The following GDE1 variants were observed in gnomAD, a reference collection of about 807,000 sequenced individuals.
GDE1 encodes the protein glycerophosphodiester phosphodiesterase 1.
Under a neutral mutation model 32.2 loss-of-function variants are expected in GDE1, and 24 were observed. The ratio of observed to expected loss-of-function variants is 0.75; its 90% CI spans 0.54 to 1.05. The LOEUF (loss-of-function observed/expected upper bound fraction) is 1.05, where lower values mean the gene tolerates loss of function less well. GDE1 is among the 50% of genes least tolerant of loss of function. The pLI, the probability that GDE1 is intolerant of heterozygous loss-of-function variation, is 0.00. For synonymous variants in GDE1, 159 were observed against 158.6 expected (o/e 1.00, Z -0.02); for missense variants, 380 against 415.0 (o/e 0.92, Z 0.73).
chr16:19,502,511 C>G lies in GDE1; in HGVS notation c.*959G>C, dbSNP rs946118632. 1.3e-5 allele frequency: 2 copies of G among 151,186 alleles called. No homozygotes were observed. Among genetic ancestry groups the G allele is most frequent in the African/African-American group, 4.9e-5 (2 of 41,086 alleles). 9.4% of individuals were successfully genotyped at this position (151,186 alleles called of 1,614,324 possible). On this transcript the variant is annotated 3_prime_UTR_variant, in exon 6 of 6. Coordinates refer to ENST00000353258, the MANE Select transcript of GDE1 (RefSeq NM_016641.4). ...CAAGTGATCCTCCCACCTCAACCTC[C>G]TGAGTAGCTGGGAATACAGGCATGC...
In GDE1 at chr16:19,502,907, T is replaced by A. The variant is rs1277683121; in HGVS notation, c.*563A>T. 1 of 152,346 alleles carries A rather than the reference T, an allele frequency of 6.6e-6. No homozygotes were observed. The highest frequency in any genetic ancestry group is 1.5e-5 in the Non-Finnish European group (1 of 68,144). The allele number at this position is 152,346 out of a possible 1,614,324, so 9.4% of individuals were successfully genotyped here. On this transcript the variant is annotated 3_prime_UTR_variant, in exon 6 of 6. Coordinates refer to ENST00000353258, the MANE Select transcript of GDE1 (RefSeq NM_016641.4). ...CTTCAAGACCTCCCTACCATTTTGG[T>A]TGCTGTACACTGAAGCCTCACTGGA...
At chr16:19,516,933 C>T (rs1969387357) in intron 2 of GDE1, 81 bp downstream of exon 2, 1 of 1,201,620 alleles carries the variant, frequency 8.3e-7, no homozygotes. Context: ...TCTCCTGGGG[C>T]AGATGTAATT....
In GDE1 at chr16:19,503,166, C is replaced by A; in HGVS notation, c.*304G>T. The A allele has an allele frequency of 2.9e-6, 1 of 340,478 alleles. No homozygotes were observed. Among genetic ancestry groups the A allele is most frequent in the Non-Finnish European group, 5.5e-6 (1 of 183,458 alleles). The allele number at this position is 340,478 out of a possible 1,614,324, so 21.1% of individuals were successfully genotyped here. A position where few individuals can be genotyped will look rare whatever the true frequency, so the allele number is the denominator to read the frequency against. ...TTTACATCTGCATCTGCAAACTGTA[C>A]AATTCAATCTGTGCTTATCCTCACT... On this transcript the variant is annotated 3_prime_UTR_variant, in exon 6 of 6. Coordinates refer to ENST00000353258, the MANE Select transcript of GDE1 (RefSeq NM_016641.4).
intron 2 of GDE1, among the ~76,000 whole-genome samples, chr16:19,513,241 A>G (rs753202530): frequency 6.6e-6 from 1 of 152,156 alleles, no homozygotes; most frequent in Non-Finnish European, 1.5e-5. Context: ...ATCCATGAGC[A>G]TGGGATGTCT....
At position 19,502,939 on chromosome 16, in the gene GDE1, G is replaced by A. The variant is rs1320251705; in HGVS notation, c.*531C>T. ...ACACTGAAGCCTCACTGGATTGCATGGTGGCTTCCCCAAATTCCGTATGCC... is the reference window on the plus strand; with the variant it reads ...ACACTGAAGCCTCACTGGATTGCATAGTGGCTTCCCCAAATTCCGTATGCC... On this transcript the variant is annotated 3_prime_UTR_variant, in exon 6 of 6. Coordinates refer to ENST00000353258, the MANE Select transcript of GDE1 (RefSeq NM_016641.4). The A allele has an allele frequency of 6.6e-6, 1 of 152,506 alleles. No individual in the cohort carries two copies. The highest frequency in any genetic ancestry group is 6.5e-5 in the Admixed American group (1 of 15,342). 9.4% of individuals were successfully genotyped at this position (152,506 alleles called of 1,614,324 possible).
At chr16:19,505,180 A>G (rs1204964781) in intron 4 of GDE1, 88 bp from the exon 5 acceptor site, 6 of 902,450 alleles carry the variant, frequency 6.6e-6, no homozygotes, top group Non-Finnish European at 1.1e-5. Context: ...GCTCAATCAG[A>G]TGAGGTGGTC....
At chr16:19,521,159 C>CA (rs1969448514) in intron 1 of GDE1, 1 of 153,254 alleles carries the variant, frequency 6.5e-6, no homozygotes, top group African/African-American at 2.4e-5. Context: ...GAAGTCAGGC[C>CA]ACACACTGCC....
intron 4 of GDE1, 141 bp from the exon 5 acceptor site, chr16:19,505,233 A>G (rs1381481827): frequency 1.3e-5 from 8 of 633,184 alleles, no homozygotes; most frequent in Admixed American, 5.6e-5. Context: ...TAAGTTCTCA[A>G]TCATAAACCC....
chr16:19,521,527 TA>T, intron 1 of GDE1, 176 bp downstream of exon 1: 1 of 659,008 alleles, frequency 1.5e-6, no homozygotes, highest in African/African-American at 1.8e-5. Context: ...TCTGTAAATA[TA>T]AAACCTCAAG....
chr16:19,521,343 T>C, intron 1 of GDE1: 1 of 222,954 alleles, frequency 4.5e-6, no homozygotes. Flanking sequence ...CCCCGATTTC[T>C]TCATTGCACC....
chr16:19,516,723 C>T (rs1206774303), intron 2 of GDE1, among the ~76,000 whole-genome samples: 9 of 152,146 alleles, frequency 5.9e-5, no homozygotes. Flanking sequence ...TCTTGGTACA[C>T]CTGAAGGCAA....
intron 5 of GDE1, 83 bp from the exon 6 acceptor site, chr16:19,503,700 A>G: frequency 8.8e-7 from 1 of 1,132,728 alleles, no homozygotes; most frequent in Non-Finnish European, 1.3e-6. Context: ...TATGGTGTTC[A>G]CTGCATACCA....
At position 19,504,647 on chromosome 16, in the gene GDE1, T is replaced by A. The variant is rs1315652368; in HGVS notation, c.848+234A>T. The A allele has an allele frequency of 1.3e-5, 6 of 461,860 alleles. No individual in the cohort carries two copies. The East Asian group carries it at 2.3e-4, about 18-fold the overall frequency. The allele number at this position is 461,860 out of a possible 1,614,324, so 28.6% of individuals were successfully genotyped here. ...CTCAGCATAGTGTCACAGGTTCATT[T>A]TTTTTCTTCAAAATACACTAAAAAA... On this transcript the variant is annotated intron_variant, in intron 5 of 5. Transcript: ENST00000353258.
At chr16:19,505,263 G>T in intron 4 of GDE1, 171 bp from the exon 5 acceptor site, 3 of 590,778 alleles carry the variant, frequency 5.1e-6, no homozygotes, top group South Asian at 2.1e-5. Flanking sequence ...ATAATGTGAA[G>T]AATGTAAAGC....
chr16:19,505,068 T>C lies in GDE1; in HGVS notation c.661A>G (p.Ile221Val), dbSNP rs1969229096. The change falls in exon 5 of 6, where the codon ATA (isoleucine) becomes GTA (valine). Residue 221 changes from isoleucine (I) to valine (V), a missense_variant. By Grantham distance (29) the Ile-to-Val change is conservative (BLOSUM62 3). Transcript: ENST00000353258. The part of the protein sequence containing the change: ...YKMRQTDRDV[I>V]TALTHRPWSL... The stretch of plus-strand genomic sequence containing the variant: ...CAAGGTCTGTGAGTTAATGCTGTTA[T>C]TACATCCCGATCTGTTTGTCTCATC... The C allele has an allele frequency of 6.2e-7, 1 of 1,611,516 alleles. No individual in the cohort carries two copies. The highest frequency in any genetic ancestry group is 8.5e-7 in the Non-Finnish European group (1 of 1,177,560).
chr16:19,521,098 A>G (rs890882844), intron 1 of GDE1: 3 of 152,600 alleles, frequency 2.0e-5, no homozygotes, highest in African/African-American at 7.2e-5. Flanking sequence ...AACCTATTTG[A>G]CCTGACCCAT....
At chr16:19,514,475 A>C (rs995161973) in intron 2 of GDE1, among the ~76,000 whole-genome samples, 1 of 152,228 alleles carries the variant, frequency 6.6e-6, no homozygotes, top group Non-Finnish European at 1.5e-5. Flanking sequence ...CAAAGGGCAG[A>C]GTATATGCCA....
intron 4 of GDE1, among the ~76,000 whole-genome samples, chr16:19,506,085 G>C (rs1049456138): frequency 2.0e-5 from 3 of 152,120 alleles, no homozygotes; most frequent in Non-Finnish European, 4.4e-5. Flanking sequence ...AGTGCCTCCT[G>C]ACGGAAAAAC....
intron 2 of GDE1, 21 bp from the exon 3 acceptor site, chr16:19,510,965 C>A (rs887893666): frequency 1.6e-6 from 2 of 1,224,170 alleles, no homozygotes; most frequent in Admixed American, 1.9e-5. Context: ...AGAGAAAATA[C>A]GTTGTAGGAA....
Sources: gnomAD v4.1 joint callset for allele counts (sites outside exome capture counted in the v4.1 genomes callset) on GRCh38, gnomAD v4.1.1 for gene constraint, MANE v1.5 for transcripts, NCBI Gene and HGNC (gene_info 2026-07-23, HGNC 2026-07-21) for gene names.